Variants in PTPRM observed in about 807,000 individuals in gnomAD.
PTPRM encodes the protein protein tyrosine phosphatase receptor type M.
In PTPRM, 47 loss-of-function variants were observed where a neutral mutation model predicts 186.7. The ratio of observed to expected loss-of-function variants is 0.25; its 90% CI spans 0.20 to 0.32. The LOEUF (loss-of-function observed/expected upper bound fraction) is 0.32. Among genes scored for constraint, PTPRM ranks in the 10% least tolerant of loss-of-function variants. The pLI is 1.00. For missense variants in PTPRM, 1,494 were observed against 1,865.0 expected, an observed-to-expected ratio of 0.80 and a Z score of 3.66; for synonymous variants, 668 against 674.9, an observed-to-expected ratio of 0.99 and a Z score of 0.16.
At chr18:8,313,384 A>G (rs1022009501) in intron 20 of PTPRM, among the ~76,000 whole-genome samples, 3 of 150,926 alleles carry the variant, frequency 2.0e-5, no homozygotes, top group East Asian at 1.9e-4. Context: ...GCTAAAAGGA[A>G]CAGTTATTTA....
chr18:7,667,410 T>A (rs964591027), intron 1 of PTPRM, among the ~76,000 whole-genome samples: 2 of 152,172 alleles, frequency 1.3e-5, no homozygotes, highest in African/African-American at 4.8e-5. Flanking sequence ...TGGAACCCCC[T>A]CGGGCCTATA....
chr18:7,823,153 A>G (rs2045295636), intron 2 of PTPRM, among the ~76,000 whole-genome samples: 2 of 152,184 alleles, frequency 1.3e-5, no homozygotes, highest in South Asian at 4.1e-4. Context: ...TTAATATTCC[A>G]TAGCCCCAGG....
intron 19 of PTPRM, among the ~76,000 whole-genome samples, chr18:8,254,867 T>C (rs953642184): frequency 6.6e-6 from 1 of 152,234 alleles, no homozygotes; most frequent in Non-Finnish European, 1.5e-5. Flanking sequence ...CACACTTTGC[T>C]CTGCTAACAT....
At chr18:8,391,985 A>T (rs1320300363) in intron 31 of PTPRM, among the ~76,000 whole-genome samples, 1 of 152,226 alleles carries the variant, frequency 6.6e-6, no homozygotes, top group African/African-American at 2.4e-5. Flanking sequence ...TATCACAGAG[A>T]TGTGATGAAT....
chr18:8,144,455 C>CTACA (rs1465948148), intron 14 of PTPRM, among the ~76,000 whole-genome samples: 2 of 152,134 alleles, frequency 1.3e-5, no homozygotes, highest in Non-Finnish European at 2.9e-5. Context: ...AACCCTGTCT[C>CTACA]TACAATAAAT....
Position 8,165,901 on chromosome 18 carries a change from T to C in PTPRM, c.2300+22122T>C, listed in dbSNP as rs530960595. On this transcript the variant is annotated intron_variant, in intron 14 of 32. Transcript: ENST00000580170. ...AAATGTAAGAAAAGATATTCAGCAT[T>C]TGCTACCTAACACTTAGGGCTCGGG... 3.9e-5 allele frequency among the ~76,000 whole-genome samples: 6 copies of C among 152,264 alleles called. No homozygotes were observed. In the East Asian group the frequency reaches 1.2e-3, roughly 29 times the overall value.
At chr18:8,251,520 A>C (rs1251248145) in intron 17 of PTPRM, 2 of 152,252 alleles carry the variant, frequency 1.3e-5, no homozygotes, top group African/African-American at 4.8e-5. Flanking sequence ...AAATGGGAAC[A>C]TGTGACTTGC....
At chr18:7,743,171 A>G (rs1415022406) in intron 1 of PTPRM, among the ~76,000 whole-genome samples, 3 of 152,204 alleles carry the variant, frequency 2.0e-5, no homozygotes, top group Non-Finnish European at 4.4e-5. Flanking sequence ...ACCACTTGCT[A>G]CTGCCTGTAT....
intron 7 of PTPRM, among the ~76,000 whole-genome samples, chr18:7,977,958 C>G (rs754679222): frequency 1.3e-5 from 2 of 152,218 alleles, no homozygotes; most frequent in African/African-American, 4.8e-5. Flanking sequence ...ATAATTTCCT[C>G]TAACTCAAAT....
At chr18:7,835,943 T>C (rs147185614) in intron 2 of PTPRM, among the ~76,000 whole-genome samples, 313 of 152,222 alleles carry the variant, frequency 2.1e-3, no homozygotes, top group African/African-American at 7.3e-3. Context: ...TCTATGTGCC[T>C]GGAATATCTT....
chr18:7,966,471 AACAGCTCCGGTCT>A (rs1396816697), intron 7 of PTPRM, among the ~76,000 whole-genome samples: 1 of 152,126 alleles, frequency 6.6e-6, no homozygotes, highest in Non-Finnish European at 1.5e-5. Context: ...GCCGAATAGG[AACAGCTCCGGTCT>A]ACAGCTCCCA....
At chr18:8,253,191 C>G in intron 18 of PTPRM, 36 bp from the exon 19 acceptor site, 1,694 of 1,252,014 alleles carry the variant, frequency 1.4e-3, no homozygotes, top group Non-Finnish European at 1.6e-3. Context: ...AGCTCCCTGG[C>G]TCTCCCTCAT....
intron 21 of PTPRM, 147 bp downstream of exon 21, chr18:8,315,004 T>C (rs894719963): frequency 5.6e-6 from 3 of 531,930 alleles, no homozygotes; most frequent in African/African-American, 3.9e-5. Flanking sequence ...ATGTACCAGA[T>C]TGTGTGTCTG....
chr18:8,246,086 A>C (rs1017487028), intron 15 of PTPRM, among the ~76,000 whole-genome samples: 1 of 152,196 alleles, frequency 6.6e-6, no homozygotes, highest in African/African-American at 2.4e-5. Flanking sequence ...AGTTCTCATC[A>C]GATCTCATCT....
At chr18:8,172,070 A>G (rs950615918) in intron 14 of PTPRM, among the ~76,000 whole-genome samples, 1 of 152,168 alleles carries the variant, frequency 6.6e-6, no homozygotes, top group Non-Finnish European at 1.5e-5. Flanking sequence ...GGGACCGTCT[A>G]CAATTGCTTT....
At chr18:7,835,149 G>A (rs553581333) in intron 2 of PTPRM, among the ~76,000 whole-genome samples, 1 of 144,966 alleles carries the variant, frequency 6.9e-6, no homozygotes, top group South Asian at 2.2e-4. Context: ...ACTTGGGTTT[G>A]GTTTGTTCTT....
intron 7 of PTPRM, among the ~76,000 whole-genome samples, chr18:7,966,550 T>C (rs914999085): frequency 2.7e-5 from 4 of 149,928 alleles, no homozygotes; most frequent in African/African-American, 9.8e-5. Context: ...GGTACCGGGT[T>C]CATCTCACTA....
chr18:7,753,749 C>T (rs994970901), intron 1 of PTPRM, among the ~76,000 whole-genome samples: 1 of 152,154 alleles, frequency 6.6e-6, no homozygotes, highest in African/African-American at 2.4e-5. Context: ...CTTTCAACTG[C>T]CAGTTTAGTG....
At chr18:7,760,108 T>C (rs1462412006) in intron 1 of PTPRM, among the ~76,000 whole-genome samples, 2 of 152,202 alleles carry the variant, frequency 1.3e-5, no homozygotes, top group Non-Finnish European at 2.9e-5. Flanking sequence ...GTAGGGTTTC[T>C]TCTGCCTTCT....
Sources: gnomAD v4.1 joint callset for allele counts (sites outside exome capture counted in the v4.1 genomes callset) on GRCh38, gnomAD v4.1.1 for gene constraint, MANE v1.5 for transcripts, NCBI Gene and HGNC (gene_info 2026-07-23, HGNC 2026-07-21) for gene names.